PTTG1IP: variants seen among roughly 807,000 people sequenced by gnomAD.
The protein encoded by PTTG1IP is PTTG1 interacting protein, also known as pituitary tumor-transforming gene 1 protein-interacting protein.
Under a neutral mutation model 24.4 loss-of-function variants are expected in PTTG1IP, and 16 were observed. The observed-to-expected ratio is 0.66, with a 90% CI of 0.44 to 1.00. The LOEUF (loss-of-function observed/expected upper bound fraction) is 1.00, where lower values mean the gene tolerates loss of function less well. Ranked by LOEUF, PTTG1IP falls within the 50% of genes least tolerant of loss-of-function variation. The probability of loss-of-function intolerance (pLI) is 0.00; values close to 1 mark genes in which losing one functional copy is unlikely to be tolerated. For missense variants in PTTG1IP, 241 were observed against 245.8 expected (o/e 0.98, Z 0.13); for synonymous variants, 89 against 96.8 (o/e 0.92, Z 0.47).
chr21:44,872,877 C>G (rs987887631), intron 1 of PTTG1IP: 1 of 152,358 alleles, frequency 6.6e-6, no homozygotes, highest in Non-Finnish European at 1.5e-5. Context: ...CAGCGTAGAA[C>G]CGCAATCAGC....
intron 1 of PTTG1IP, among the ~76,000 whole-genome samples, chr21:44,866,704 C>CACAT (rs1441759417): frequency 3.3e-5 from 5 of 151,758 alleles, no homozygotes; most frequent in Admixed American, 6.6e-5. Context: ...CACACACACA[C>CACAT]AAACACAGTG....
rs555793895 is a variant in PTTG1IP at position 44,861,127 on chromosome 21, C to A, written c.277+36G>T. 4 of 1,565,170 alleles carry A rather than the reference C, an allele frequency of 2.6e-6. No individual in the cohort carries two copies. The South Asian group carries it at 4.5e-5, about 18-fold the overall frequency. ...CATACTACTATTTTCAAAGAAGCATCGATTTTGCAAGCAGCAAATGAAAAC... is the reference window on the plus strand; with the variant it reads ...CATACTACTATTTTCAAAGAAGCATAGATTTTGCAAGCAGCAAATGAAAAC... On this transcript the variant is annotated intron_variant, in intron 3 of 5. Transcript: ENST00000330938.
intron 3 of PTTG1IP, among the ~76,000 whole-genome samples, chr21:44,858,632 C>T (rs1008854051): frequency 6.6e-6 from 1 of 152,362 alleles, no homozygotes; most frequent in African/African-American, 2.4e-5. Context: ...TGCCCCCTCC[C>T]CACTGTGACT....
Position 44,873,599 on chromosome 21 carries a change from G to T in PTTG1IP, c.18C>A (p.Ala6=). Residue 6 remains alanine, a synonymous_variant, in exon 1 of 6, where the codon GCC becomes GCA. Transcript: ENST00000330938. MAPGV[A]RGPTPYWRLR... is the part of the protein sequence containing the mutation. ...ACCTCCAGTACGGCGTCGGCCCGCG[G>T]GCCACTCCGGGCGCCATGGTCGGCC... The T allele has an allele frequency of 2.1e-6, 3 of 1,443,908 alleles. No homozygotes were observed. Among genetic ancestry groups the T allele is most frequent in the Non-Finnish European group, 2.7e-6 (3 of 1,100,766 alleles). 89.4% of individuals were successfully genotyped at this position (1,443,908 alleles called of 1,614,324 possible).
chr21:44,861,588 A>G (rs1473841564), intron 2 of PTTG1IP: 5 of 638,084 alleles, frequency 7.8e-6, no homozygotes, highest in Non-Finnish European at 1.4e-5. Flanking sequence ...ACCCCACCTC[A>G]TGCTCTCAGC....
chr21:44,865,642 G>C (rs1468766458), intron 1 of PTTG1IP, 195 bp from the exon 2 acceptor site: 1 of 639,886 alleles, frequency 1.6e-6, no homozygotes, highest in Non-Finnish European at 2.8e-6. Flanking sequence ...CGAGTGTTCA[G>C]GAACCCCGCT....
At chr21:44,853,202 TTTTA>T (rs1156519469) in intron 5 of PTTG1IP, among the ~76,000 whole-genome samples, 1 of 152,194 alleles carries the variant, frequency 6.6e-6, no homozygotes, top group Non-Finnish European at 1.5e-5. Context: ...CCACCTTGTC[TTTTA>T]TTTACATTAA....
Position 44,854,738 on chromosome 21 carries a change from A to G in PTTG1IP, c.496+472T>C, listed in dbSNP as rs547264282. Among the ~76,000 whole-genome samples the G allele has an allele frequency of 3.3e-4, 51 of 152,312 alleles. 1 individual carries two copies. Among genetic ancestry groups the G allele is most frequent in the African/African-American group, 9.4e-4 (39 of 41,560 alleles). On this transcript the variant is annotated intron_variant, in intron 5 of 5. Transcript: ENST00000330938. ...AAAATCTCTCCAGACACAACCAAAC[A>G]AGAACAGAACGCCGAGGCTGGGCGA... is the stretch of plus-strand genomic sequence containing the variant.
At chr21:44,860,185 A>G (rs1043393993) in intron 3 of PTTG1IP, among the ~76,000 whole-genome samples, 1 of 152,078 alleles carries the variant, frequency 6.6e-6, no homozygotes, top group Admixed American at 6.6e-5. Flanking sequence ...TGGCTAACAC[A>G]GTGAAACCCC....
chr21:44,856,786 T>TC (rs1440148714), intron 3 of PTTG1IP, among the ~76,000 whole-genome samples: 1 of 152,154 alleles, frequency 6.6e-6, no homozygotes, highest in Admixed American at 6.5e-5. Context: ...GATGCAGCTT[T>TC]CTTTTTTTTT....
intron 3 of PTTG1IP, among the ~76,000 whole-genome samples, chr21:44,859,834 G>C (rs1353222603): frequency 6.6e-6 from 1 of 152,190 alleles, no homozygotes; most frequent in Non-Finnish European, 1.5e-5. Context: ...TTCAGATGGA[G>C]GCTGATAGAT....
intron 2 of PTTG1IP, among the ~76,000 whole-genome samples, chr21:44,863,985 G>A (rs946700617): frequency 6.6e-6 from 1 of 152,160 alleles, no homozygotes; most frequent in Middle Eastern, 3.2e-3. Flanking sequence ...ACGGTCTCGT[G>A]GAGGAAGAAG....
chr21:44,862,238 G>A (rs1003559674), intron 2 of PTTG1IP, among the ~76,000 whole-genome samples: 2 of 152,232 alleles, frequency 1.3e-5, no homozygotes, highest in African/African-American at 4.8e-5. Flanking sequence ...ACTGCTGTTC[G>A]GGTCAGGCAC....
intron 5 of PTTG1IP, among the ~76,000 whole-genome samples, chr21:44,852,587 G>A (rs2083419400): frequency 6.6e-6 from 1 of 152,174 alleles, no homozygotes; most frequent in East Asian, 1.9e-4. Context: ...GAGGCGGCGG[G>A]GAAGCAGAGG....
intron 1 of PTTG1IP, among the ~76,000 whole-genome samples, chr21:44,871,272 G>C (rs1286344476): frequency 6.6e-6 from 1 of 152,180 alleles, no homozygotes; most frequent in African/African-American, 2.4e-5. Context: ...CACATCAGGA[G>C]TCCCCACTGT....
At chr21:44,853,119 AAC>A (rs1487434522) in intron 5 of PTTG1IP, among the ~76,000 whole-genome samples, 2 of 152,218 alleles carry the variant, frequency 1.3e-5, no homozygotes, top group African/African-American at 4.8e-5. Flanking sequence ...GAGCAACTTA[AAC>A]ACAGCTTGTG....
intron 4 of PTTG1IP, 82 bp downstream of exon 4, chr21:44,856,111 A>G: frequency 1.9e-6 from 3 of 1,611,882 alleles, no homozygotes; most frequent in Non-Finnish European, 2.5e-6. Context: ...AAAACTCAGG[A>G]TGTATCCATG....
At chr21:44,867,194 G>A (rs111519772) in intron 1 of PTTG1IP, among the ~76,000 whole-genome samples, 3 of 152,318 alleles carry the variant, frequency 2.0e-5, no homozygotes, top group Admixed American at 6.5e-5. Context: ...AACACAAAAG[G>A]CTGTTTTACG....
chr21:44,869,219 G>A (rs974476070), intron 1 of PTTG1IP, among the ~76,000 whole-genome samples: 1 of 152,200 alleles, frequency 6.6e-6, no homozygotes, highest in Non-Finnish European at 1.5e-5. Flanking sequence ...GGGGGTAGGG[G>A]AACAGGACAT....
Sources: allele counts gnomAD v4.1 joint callset (sites outside exome capture counted in the v4.1 genomes callset), GRCh38; gene constraint gnomAD v4.1.1; transcripts MANE v1.5; gene names NCBI Gene and HGNC (gene_info 2026-07-23, HGNC 2026-07-21).